IFNA4: variants seen among roughly 807,000 people sequenced by gnomAD.
IFNA4 encodes the protein interferon alpha 4.
For synonymous variants in IFNA4, 84 were observed against 86.0 expected, an observed-to-expected ratio of 0.98 and a Z score of 0.13; for missense variants, 225 against 214.9, an observed-to-expected ratio of 1.05 and a Z score of -0.29.
chr9:21,187,079 A>C, exon 1 of IFNA4: 1 of 1,614,142 alleles, frequency 6.2e-7, no homozygotes, highest in South Asian at 1.1e-5. Flanking sequence ...TTAGATAAAG[A>C]GTGATTCTTT....
chr9:21,187,399 C>T, exon 1 of IFNA4: 2 of 1,614,090 alleles, frequency 1.2e-6, no homozygotes, highest in Non-Finnish European at 1.7e-6. Flanking sequence ...GAGATTCTTC[C>T]CATTTGTGCC....
downstream of IFNA4, chr9:21,186,639 T>C (rs533975450): frequency 3.3e-4 from 52 of 157,640 alleles, no homozygotes; most frequent in Non-Finnish European, 5.7e-4. Context: ...AGGAAATTAA[T>C]ATATTGGCTA....
At position 21,187,305 on chromosome 9, in the gene IFNA4, G is replaced by A. The variant is rs553318455; in HGVS notation, c.227C>T (p.Ala76Val). 94 of 1,613,886 alleles carry A rather than the reference G, an allele frequency of 5.8e-5. No individual in the cohort carries two copies. The East Asian group carries it at 2.0e-3, about 34-fold the overall frequency. Residue 76 changes from alanine to valine, a missense_variant, in exon 1 of 1, where the codon GCC becomes GTC. Physicochemically the swap from Ala to Val is moderately conservative, Grantham distance 64. Transcript: ENST00000421715. ...GATCATCTCATGGAGGACAGAGATG[G>A]CTTGAGCCTTCTGGAACTGGTGGCC...
exon 1 of IFNA4, chr9:21,187,130 C>T: frequency 6.2e-7 from 1 of 1,614,016 alleles, no homozygotes; most frequent in South Asian, 1.1e-5. Flanking sequence ...CCTCATTCAT[C>T]AGGGGAGTCT....
exon 1 of IFNA4, chr9:21,186,893 T>C: frequency 1.3e-6 from 2 of 1,590,204 alleles, no homozygotes; most frequent in Non-Finnish European, 1.7e-6. Flanking sequence ...GTCTTTGAAA[T>C]GGAAGAACTC....
chr9:21,187,325 G>T lies in IFNA4; in HGVS notation c.207C>A (p.His69Gln), dbSNP rs1383880033. ...AGATGGCTTGAGCCTTCTGGAACTG[G>T]TGGCCATCAAACTCCTCCTCGGGGA... The change falls in exon 1 of 1, where the codon CAC (histidine) becomes CAA (glutamine). Residue 69 changes from histidine (H) to glutamine (Q), a missense_variant. By Grantham distance (24) the His-to-Gln change is conservative (BLOSUM62 0). Coordinates refer to ENST00000421715, the Ensembl canonical transcript of IFNA4. 3 of 1,613,950 alleles carry T rather than the reference G, an allele frequency of 1.9e-6. No homozygotes were observed. The African/African-American group carries it at 4.0e-5, about 22-fold the overall frequency.
exon 1 of IFNA4, chr9:21,187,040 C>G: frequency 6.2e-7 from 1 of 1,614,114 alleles, no homozygotes; most frequent in Non-Finnish European, 8.5e-7. Context: ...TGACAACCTC[C>G]CAGGCACAAG....
exon 1 of IFNA4, chr9:21,186,811 T>C (rs1368626461): frequency 5.6e-6 from 7 of 1,249,110 alleles, no homozygotes; most frequent in Non-Finnish European, 7.8e-6. Context: ...TGCACAGGTA[T>C]ACACCAAGCT....
chr9:21,186,819 G>T, exon 1 of IFNA4: 2 of 1,367,128 alleles, frequency 1.5e-6, no homozygotes, highest in Non-Finnish European at 2.0e-6. Context: ...TATACACCAA[G>T]CTTCTTCACA....
Position 21,186,779 on chromosome 9 carries a change from T to C in IFNA4, c.*183A>G. ...TAGATGAACAGAGACATCAGCATTGTCATCTGTAAAGGACTAGTGCCTGCA... is the reference window on the plus strand; with the variant it reads ...TAGATGAACAGAGACATCAGCATTGCCATCTGTAAAGGACTAGTGCCTGCA... On this transcript the variant is annotated 3_prime_UTR_variant, in exon 1 of 1. Coordinates refer to ENST00000421715, the Ensembl canonical transcript of IFNA4. 7.2e-6 allele frequency: 5 copies of C among 694,066 alleles called. No homozygotes were observed. The Admixed American group carries it at 1.3e-4, about 19-fold the overall frequency. The allele number at this position is 694,066 out of a possible 1,614,324, so 43.0% of individuals were successfully genotyped here.
At chr9:21,186,924 A>G (rs1817911096) in exon 1 of IFNA4, 2 of 1,611,284 alleles carry the variant, frequency 1.2e-6, no homozygotes, top group East Asian at 2.2e-5. Context: ...GAGATAATGT[A>G]TTAGTCAATC....
At chr9:21,187,409 C>A (rs374954986) in exon 1 of IFNA4, 1 of 1,613,972 alleles carries the variant, frequency 6.2e-7, no homozygotes, top group East Asian at 2.2e-5. Context: ...CCATTTGTGC[C>A]AGGAGTATCA....
rs776224155 is a variant in IFNA4, at chr9:21,187,036, C to T, written c.496G>A (p.Val166Ile). The change falls in exon 1 of 1, where the codon GTT becomes ATT. Residue 166 changes from valine to isoleucine, a missense_variant. By Grantham distance (29) the Val-to-Ile change is conservative (BLOSUM62 3). Transcript: ENST00000421715. The stretch of plus-strand genomic sequence containing the variant: ...GATCTCATGATTTCTGCTCTGACAA[C>T]CTCCCAGGCACAAGGGCTGTATTTC... 1.1e-4 allele frequency: 185 copies of T among 1,614,030 alleles called. No homozygotes were observed. The highest frequency in any genetic ancestry group is 1.7e-4 in the Admixed American group (10 of 60,000).
At position 21,187,475 on chromosome 9, in the gene IFNA4, G is replaced by A. The variant is rs1213087088; in HGVS notation, c.57C>T (p.Ile19=). The A allele has an allele frequency of 2.5e-6, 4 of 1,613,864 alleles. No homozygotes were observed. In the East Asian group the frequency reaches 8.9e-5, roughly 36 times the overall value. Residue 19 remains isoleucine, a synonymous_variant, in exon 1 of 1, where the codon ATC becomes ATT. Coordinates refer to ENST00000421715, the Ensembl canonical transcript of IFNA4. ...GAGGCAGATCACAGCCCAGAGAACA[G>A]ATGGATTTGTAGCTGAGCACCAGCA... is the stretch of plus-strand genomic sequence containing the variant.
exon 1 of IFNA4, chr9:21,186,992 G>C (rs1251537497): frequency 1.2e-6 from 2 of 1,612,308 alleles, no homozygotes; most frequent in African/African-American, 2.7e-5. Context: ...TTTTTTGCAA[G>C]TTTGTTGAAA....
rs756996278 is a variant in IFNA4, at chr9:21,187,491, A to T, written c.41T>A (p.Leu14His). 3.5e-5 allele frequency: 57 copies of T among 1,613,050 alleles called. No individual in the cohort carries two copies. In the Middle Eastern group the frequency reaches 4.9e-4, roughly 14 times the overall value. The stretch of plus-strand genomic sequence containing the variant: ...CAGAGAACAGATGGATTTGTAGCTG[A>T]GCACCAGCACGGCCATCAGTAAAGA... Residue 14 changes from leucine to histidine, a missense_variant, in exon 1 of 1, where the codon CTC (leucine) becomes CAC (histidine). Leu to His is a moderately conservative substitution (Grantham distance 99, BLOSUM62 -3). Coordinates refer to ENST00000421715, the Ensembl canonical transcript of IFNA4.
exon 1 of IFNA4, chr9:21,186,977 T>A: frequency 6.2e-7 from 1 of 1,614,114 alleles, no homozygotes; most frequent in Non-Finnish European, 8.5e-7. Context: ...CCTTCCTCCT[T>A]AATCTTTTTT....
In IFNA4 at chr9:21,187,275, T is replaced by G. The variant is rs201785195; in HGVS notation, c.257A>C (p.Gln86Pro). 414 of 1,611,654 alleles carry G rather than the reference T, an allele frequency of 2.6e-4. 1 individual carries two copies. Among genetic ancestry groups the G allele is most frequent in the Non-Finnish European group, 2.0e-5 (24 of 1,179,112 alleles). Residue 86 changes from glutamine to proline, a missense_variant, in exon 1 of 1, where the codon CAG becomes CCG. Gln to Pro is a moderately conservative substitution (Grantham distance 76). Coordinates refer to ENST00000421715, the Ensembl canonical transcript of IFNA4. ...CTCTGTGCTGAAGAGATTGAAGGTC[T>G]GCTGGATCATCTCATGGAGGACAGA...
At chr9:21,186,965 A>T in exon 1 of IFNA4, 5 of 1,613,988 alleles carry the variant, frequency 3.1e-6, no homozygotes, top group Non-Finnish European at 3.4e-6. Flanking sequence ...CCAGGTTTCA[A>T]TCCTTCCTCC....
Sources: gnomAD v4.1 joint callset for allele counts on GRCh38, gnomAD v4.1.1 for gene constraint, MANE v1.5 for transcripts, NCBI Gene and HGNC (gene_info 2026-07-23, HGNC 2026-07-21) for gene names.